The following ANKRD44 variants were observed in gnomAD, a reference collection of about 807,000 sequenced individuals.
ANKRD44 encodes serine/threonine-protein phosphatase 6 regulatory ankyrin repeat subunit B.
In ANKRD44, 35 loss-of-function variants were observed where a neutral mutation model predicts 116.0. That is an observed-to-expected ratio of 0.30 (90% CI 0.23 to 0.40). The LOEUF is 0.40. Among genes scored for constraint, ANKRD44 ranks in the 10% least tolerant of loss-of-function variants. ANKRD44 has a pLI of 1.00. For missense variants in ANKRD44, 1,014 were observed against 1,242.6 expected (o/e 0.82, Z 2.77); for synonymous variants, 435 against 461.8 (o/e 0.94, Z 0.74).
intron 21 of ANKRD44, among the ~76,000 whole-genome samples, chr2:196,978,686 T>C (rs925704985): frequency 6.6e-6 from 1 of 152,180 alleles, no homozygotes; most frequent in Non-Finnish European, 1.5e-5. Flanking sequence ...AATTAGATAG[T>C]AGTGATGGTT....
chr2:197,205,399 G>T lies in ANKRD44; in HGVS notation c.28-18293C>A, dbSNP rs561417633. On this transcript the variant is annotated intron_variant, in intron 1 of 27. Coordinates refer to ENST00000282272, the MANE Select transcript of ANKRD44 (RefSeq NM_001195144.2). Reference sequence around the variant, plus strand: ...CAGAGCTCATTATGGAGCAGGCCCTGTGCTGCTTTCCTTATGTCATCTCAC... The same window carrying T: ...CAGAGCTCATTATGGAGCAGGCCCTTTGCTGCTTTCCTTATGTCATCTCAC... 2.0e-5 allele frequency among the ~76,000 whole-genome samples: 3 copies of T among 152,314 alleles called. No individual in the cohort carries two copies. The South Asian group carries it at 6.2e-4, about 32-fold the overall frequency.
intron 1 of ANKRD44, among the ~76,000 whole-genome samples, chr2:197,253,221 G>A (rs1168770988): frequency 6.6e-6 from 1 of 151,988 alleles, no homozygotes; most frequent in Non-Finnish European, 1.5e-5. Flanking sequence ...TTATACTTCA[G>A]GGAAAATTAA....
intron 12 of ANKRD44, 70 bp downstream of exon 12, chr2:197,088,641 G>T: frequency 1.0e-6 from 1 of 965,368 alleles, no homozygotes; most frequent in Non-Finnish European, 1.4e-6. Context: ...TTGATTCACA[G>T]ACAACTTAAG....
At chr2:197,141,995 T>G (rs6728379) in intron 3 of ANKRD44, among the ~76,000 whole-genome samples, 18,032 of 152,298 alleles carry the variant, frequency 0.12, 1,208 homozygotes, top group South Asian at 0.15. Flanking sequence ...ACAGTCTGCA[T>G]GTCTAATGAT....
intron 2 of ANKRD44, among the ~76,000 whole-genome samples, chr2:197,148,556 C>G (rs539364386): frequency 1.3e-5 from 2 of 152,222 alleles, no homozygotes; most frequent in African/African-American, 4.8e-5. Context: ...GATATTATTC[C>G]ATTTTCTGAC....
In ANKRD44 at chr2:197,118,800, A is replaced by T. The variant is rs75697635; in HGVS notation, c.906+2532T>A. Reference sequence around the variant, plus strand: ...CACATAACCATAACATTTTAGCATTAAAAAAGAGATCATATTTCTTTATTG... The same window carrying T: ...CACATAACCATAACATTTTAGCATTTAAAAAGAGATCATATTTCTTTATTG... On this transcript the variant is annotated intron_variant, in intron 8 of 27. Transcript: ENST00000282272. 9.1e-4 allele frequency among the ~76,000 whole-genome samples: 138 copies of T among 152,322 alleles called. 2 individuals carry two copies. The East Asian group carries it at 0.024, about 27-fold the overall frequency.
At position 197,241,876 on chromosome 2, in the gene ANKRD44, C is replaced by A. The variant is rs375890969; in HGVS notation, c.28-54770G>T. Among the ~76,000 whole-genome samples, 12 of 152,018 alleles carry A rather than the reference C, an allele frequency of 7.9e-5. No individual in the cohort carries two copies. The East Asian group carries it at 1.5e-3, about 20-fold the overall frequency. ...AGTTCCTCCTCTGCTAATAAATAAG[C>A]CAAAAACCTTCAAACATAATAAAAA... On this transcript the variant is annotated intron_variant, in intron 1 of 27. Coordinates refer to ENST00000282272, the MANE Select transcript of ANKRD44 (RefSeq NM_001195144.2).
intron 19 of ANKRD44, among the ~76,000 whole-genome samples, chr2:197,008,211 A>T (rs2076235136): frequency 6.6e-6 from 1 of 152,204 alleles, no homozygotes; most frequent in African/African-American, 2.4e-5. Flanking sequence ...AGATCCATGT[A>T]GCATTTACTA....
intron 1 of ANKRD44, among the ~76,000 whole-genome samples, chr2:197,273,981 ATATATATATATAT>A (rs1263535411): frequency 0.081 from 1,924 of 23,894 alleles, 410 homozygotes; most frequent in Non-Finnish European, 0.089. Context: ...AAAAAAAAAA[ATATATATATATAT>A]ATATATATAT....
intron 16 of ANKRD44, among the ~76,000 whole-genome samples, chr2:197,072,923 T>C (rs1268692277): frequency 6.6e-6 from 1 of 152,238 alleles, no homozygotes; most frequent in Admixed American, 6.5e-5. Context: ...TAAAGAGTTC[T>C]CTAGGCACTT....
intron 16 of ANKRD44, among the ~76,000 whole-genome samples, chr2:197,045,669 T>C (rs575343590): frequency 2.6e-5 from 4 of 152,344 alleles, no homozygotes; most frequent in East Asian, 1.9e-4. Context: ...CTGGTCACTC[T>C]GATAAGCTTA....
At chr2:197,101,373 G>A (rs760668237) in intron 9 of ANKRD44, among the ~76,000 whole-genome samples, 22 of 152,162 alleles carry the variant, frequency 1.4e-4, no homozygotes, top group Non-Finnish European at 3.2e-4. Context: ...AATTCCCAGA[G>A]CAGATGCGTG....
At chr2:197,260,905 C>T (rs1437499710) in intron 1 of ANKRD44, among the ~76,000 whole-genome samples, 17 of 91,408 alleles carry the variant, frequency 1.9e-4, no homozygotes, top group Non-Finnish European at 3.3e-4. Context: ...ATGTCCTTTG[C>T]CCACTTTTTG....
chr2:197,097,806 C>T (rs1216234532), intron 10 of ANKRD44, among the ~76,000 whole-genome samples: 1 of 152,208 alleles, frequency 6.6e-6, no homozygotes, highest in African/African-American at 2.4e-5. Context: ...TCTACGCCCA[C>T]TTAGAATTCT....
At chr2:196,970,435 T>C (rs996175958) in intron 21 of ANKRD44, among the ~76,000 whole-genome samples, 1 of 152,214 alleles carries the variant, frequency 6.6e-6, no homozygotes, top group Non-Finnish European at 1.5e-5. Flanking sequence ...CAGTTCCTTT[T>C]ACTCTTCCTA....
chr2:197,174,631 G>A (rs2080321441), intron 2 of ANKRD44, among the ~76,000 whole-genome samples: 1 of 152,208 alleles, frequency 6.6e-6, no homozygotes, highest in Admixed American at 6.5e-5. Flanking sequence ...GAGGCGGGGA[G>A]GGAGGTGATG....
intron 16 of ANKRD44, chr2:197,029,281 A>G: frequency 4.9e-6 from 1 of 203,614 alleles, no homozygotes; most frequent in East Asian, 1.5e-4. Context: ...TGGCCTGGCA[A>G]AGAATGGTGT....
At chr2:197,211,722 G>C (rs2081328593) in intron 1 of ANKRD44, among the ~76,000 whole-genome samples, 1 of 152,034 alleles carries the variant, frequency 6.6e-6, no homozygotes, top group South Asian at 2.1e-4. Flanking sequence ...GCTGCCCCAG[G>C]CACCATGAGA....
chr2:197,017,289 G>T (rs898855534), intron 17 of ANKRD44, among the ~76,000 whole-genome samples: 1 of 152,118 alleles, frequency 6.6e-6, no homozygotes, highest in Non-Finnish European at 1.5e-5. Flanking sequence ...ATTCATAGAA[G>T]ATTTGTAGAA....
Sources: gnomAD v4.1 joint callset for allele counts (sites outside exome capture counted in the v4.1 genomes callset) on GRCh38, gnomAD v4.1.1 for gene constraint, MANE v1.5 for transcripts, NCBI Gene and HGNC (gene_info 2026-07-23, HGNC 2026-07-21) for gene names.